ERLEC1: variants seen among roughly 807,000 people sequenced by gnomAD.
The protein encoded by ERLEC1 is ER lectin.
ERLEC1 carries 47 observed loss-of-function variants against 68.0 expected under a neutral mutation model. That is an observed-to-expected ratio of 0.69 (90% CI 0.55 to 0.88). The LOEUF (loss-of-function observed/expected upper bound fraction) is 0.88, where lower values mean the gene tolerates loss of function less well. Ranked by LOEUF, ERLEC1 falls within the 40% of genes least tolerant of loss-of-function variation. ERLEC1 has a pLI of 0.00. For missense variants in ERLEC1, 567 were observed against 583.8 expected (o/e 0.97, Z 0.30); for synonymous variants, 225 against 203.2 (o/e 1.11, Z -0.91).
Position 53,809,249 on chromosome 2 carries a change from C to G in ERLEC1, c.1077C>G (p.Gly359=), listed in dbSNP as rs1676462060. 6.3e-7 allele frequency: 1 copy of G among 1,576,824 alleles called. No individual in the cohort carries two copies. The highest frequency in any genetic ancestry group is 8.6e-7 in the Non-Finnish European group (1 of 1,169,154). The change falls in exon 10 of 14, where the codon GGC becomes GGG. Residue 359 remains glycine, a synonymous_variant. Transcript: ENST00000185150. ...GGTGGAAATATGAATTCTGCTATGG[C>G]AAACATGTACATCAATACCATGAGG... is the stretch of plus-strand genomic sequence containing the variant. ...VGWWKYEFCY[G]KHVHQYHEDK... is the part of the protein sequence containing the mutation.
chr2:53,809,350 G>T lies in ERLEC1; in HGVS notation c.1101+77G>T, dbSNP rs1676467797. 14 of 988,230 alleles carry T rather than the reference G, an allele frequency of 1.4e-5. 2 individuals carry two copies. In the South Asian group the frequency reaches 2.4e-4, roughly 17 times the overall value. The allele number at this position is 988,230 out of a possible 1,614,324, so 61.2% of individuals were successfully genotyped here. On this transcript the variant is annotated intron_variant, in intron 10 of 13. Transcript: ENST00000185150. The stretch of plus-strand genomic sequence containing the variant: ...AGAATCTGTTGTAGAAAAAAAGGGG[G>T]AATGGTATAACTTTTAATTATGAGA...
In ERLEC1 at chr2:53,797,560, C is replaced by A. The variant is rs373922461; in HGVS notation, c.394C>A (p.Arg132=). The A allele has an allele frequency of 1.2e-6, 2 of 1,612,558 alleles. No homozygotes were observed. The highest frequency in any genetic ancestry group is 1.3e-5 in the African/African-American group (1 of 74,814). Residue 132 remains arginine (R), a synonymous_variant, in exon 4 of 14, where the codon CGG becomes AGG. Coordinates refer to ENST00000185150, the MANE Select transcript of ERLEC1 (RefSeq NM_015701.5). ...CGAAGTATGTCATGGAAAACACATT[C>A]GGCAGTACCATGAAGAGAAAGAAAC... ...TYEVCHGKHI[R]QYHEEKETGQ...
chr2:53,787,331 A>T lies in ERLEC1; in HGVS notation c.121A>T (p.Ile41Phe). ...AGCCCTTCCTCAACTCAGCGATGACATCCCTTTCCGAGTCAACTGGCCCGG... is the reference window on the plus strand; with the variant it reads ...AGCCCTTCCTCAACTCAGCGATGACTTCCCTTTCCGAGTCAACTGGCCCGG... ...GRALPQLSDDIPFRVNWPGTE... is the reference protein window; with the variant it reads ...GRALPQLSDDFPFRVNWPGTE... The change falls in exon 1 of 14, where the codon ATC becomes TTC. Residue 41 changes from isoleucine (I) to phenylalanine (F), a missense_variant. Ile to Phe is a conservative substitution (Grantham distance 21). Transcript: ENST00000185150. 1.9e-6 allele frequency: 3 copies of T among 1,611,784 alleles called. No individual in the cohort carries two copies. Among genetic ancestry groups the T allele is most frequent in the Non-Finnish European group, 2.5e-6 (3 of 1,179,900 alleles).
At position 53,814,629 on chromosome 2, in the gene ERLEC1, G is replaced by T; in HGVS notation, c.1304+9G>T. 1 of 1,599,436 alleles carries T rather than the reference G, an allele frequency of 6.3e-7. No homozygotes were observed. Among genetic ancestry groups the T allele is most frequent in the Non-Finnish European group, 8.6e-7 (1 of 1,168,428 alleles). On this transcript the variant is annotated intron_variant, in intron 12 of 13. Coordinates refer to ENST00000185150, the MANE Select transcript of ERLEC1 (RefSeq NM_015701.5). ...GTGACTGTAAAACTAAAGTAAGTTA[G>T]ACCATCAAATCATGCTGTATGCCTT... is the stretch of plus-strand genomic sequence containing the variant.
At chr2:53,798,572 C>T (rs1177766316) in intron 5 of ERLEC1, among the ~76,000 whole-genome samples, 3 of 151,640 alleles carry the variant, frequency 2.0e-5, no homozygotes, top group Non-Finnish European at 4.4e-5. Context: ...AGCCTAAAAG[C>T]TTTACTAAAA....
intron 3 of ERLEC1, among the ~76,000 whole-genome samples, chr2:53,796,408 G>A (rs1302831550): frequency 3.3e-5 from 5 of 151,630 alleles, no homozygotes; most frequent in Non-Finnish European, 5.9e-5. Flanking sequence ...TGTTCCTATT[G>A]TATCAGATGT....
At chr2:53,789,839 C>T (rs561151962) in intron 1 of ERLEC1, among the ~76,000 whole-genome samples, 3 of 151,762 alleles carry the variant, frequency 2.0e-5, no homozygotes, top group Non-Finnish European at 2.9e-5. Context: ...GGCAACATGG[C>T]GAAACCTTGT....
At chr2:53,813,898 C>G (rs1403756448) in intron 11 of ERLEC1, among the ~76,000 whole-genome samples, 1 of 152,046 alleles carries the variant, frequency 6.6e-6, no homozygotes, top group Non-Finnish European at 1.5e-5. Context: ...ATTAACTCAT[C>G]ATTTAGCATT....
At chr2:53,795,325 A>G (rs1675632741) in intron 2 of ERLEC1, among the ~76,000 whole-genome samples, 1 of 152,136 alleles carries the variant, frequency 6.6e-6, no homozygotes, top group Admixed American at 6.5e-5. Context: ...CCACTCAATA[A>G]ATTTATTAAG....
chr2:53,816,496 T>C (rs1439663813), intron 13 of ERLEC1, among the ~76,000 whole-genome samples: 1 of 152,120 alleles, frequency 6.6e-6, no homozygotes, highest in Non-Finnish European at 1.5e-5. Context: ...CTCGAACTCC[T>C]GACCTCAAGT....
At chr2:53,814,990 TTTTTC>T in intron 13 of ERLEC1, 55 bp downstream of exon 13, 16 of 1,080,930 alleles carry the variant, frequency 1.5e-5, no homozygotes, top group South Asian at 2.9e-5. Flanking sequence ...TTTTAATTTT[TTTTTC>T]TTTTTTTTTT....
intron 1 of ERLEC1, among the ~76,000 whole-genome samples, chr2:53,787,868 AC>A (rs1675151350): frequency 6.6e-6 from 1 of 152,174 alleles, no homozygotes; most frequent in South Asian, 2.1e-4. Context: ...CTCCAAGGGA[AC>A]TTTTTCCTTT....
chr2:53,805,427 G>A (rs1014718254), intron 8 of ERLEC1, among the ~76,000 whole-genome samples: 2 of 151,440 alleles, frequency 1.3e-5, no homozygotes, highest in African/African-American at 4.9e-5. Flanking sequence ...TATGTTGCCC[G>A]GGCTGGTTTC....
At chr2:53,798,416 C>T (rs770569870) in intron 5 of ERLEC1, among the ~76,000 whole-genome samples, 1 of 151,798 alleles carries the variant, frequency 6.6e-6, no homozygotes, top group Non-Finnish European at 1.5e-5. Flanking sequence ...CACATGCCAC[C>T]ATGCCCACTA....
At chr2:53,807,437 ACT>A (rs1558602638) in intron 8 of ERLEC1, among the ~76,000 whole-genome samples, 1 of 150,464 alleles carries the variant, frequency 6.6e-6, no homozygotes, top group Non-Finnish European at 1.5e-5. Flanking sequence ...ACAGAGTCTC[ACT>A]CTGTCACCCA....
chr2:53,807,639 C>T (rs569723739), intron 8 of ERLEC1, among the ~76,000 whole-genome samples: 8 of 152,102 alleles, frequency 5.3e-5, no homozygotes, highest in Non-Finnish European at 8.8e-5. Flanking sequence ...TCTTTCTTTA[C>T]CCTTAGTGAC....
chr2:53,787,899 G>A (rs1040246989), intron 1 of ERLEC1, among the ~76,000 whole-genome samples: 1 of 152,192 alleles, frequency 6.6e-6, no homozygotes, highest in African/African-American at 2.4e-5. Flanking sequence ...TTCTGAGAGG[G>A]CTATTTGGCC....
At chr2:53,813,267 A>G (rs6545368) in intron 11 of ERLEC1, among the ~76,000 whole-genome samples, 194 bp downstream of exon 11, 27,931 of 152,136 alleles carry the variant, frequency 0.18, 3,568 homozygotes, top group African/African-American at 0.36. Flanking sequence ...CCCTGGAGTC[A>G]GACTACCTGG....
chr2:53,806,118 T>G (rs1031883598), intron 8 of ERLEC1, among the ~76,000 whole-genome samples: 1 of 152,216 alleles, frequency 6.6e-6, no homozygotes. Context: ...ACTTTTTTTC[T>G]TTTATAAACA....
Sources: allele counts gnomAD v4.1 joint callset (sites outside exome capture counted in the v4.1 genomes callset), GRCh38; gene constraint gnomAD v4.1.1; transcripts MANE v1.5; gene names NCBI Gene and HGNC (gene_info 2026-07-23, HGNC 2026-07-21).